Variants in PAQR9 observed in about 807,000 individuals in gnomAD.
PAQR9 encodes the protein progestin and adipoQ receptor family member 9, also known as membrane progestin receptor epsilon.
Under a neutral mutation model 24.0 loss-of-function variants are expected in PAQR9, and 12 were observed. The observed-to-expected ratio is 0.50, with a 90% CI of 0.32 to 0.81. The LOEUF is 0.81. Ranked by LOEUF, PAQR9 falls within the 30% of genes least tolerant of loss-of-function variation. The probability of loss-of-function intolerance (pLI) is 0.03; values close to 1 mark genes in which losing one functional copy is unlikely to be tolerated. For synonymous variants in PAQR9, 266 were observed against 237.6 expected, an observed-to-expected ratio of 1.12 and a Z score of -1.10; for missense variants, 418 against 520.8, an observed-to-expected ratio of 0.80 and a Z score of 1.92.
At position 142,954,597 on chromosome 3, in the gene PAQR9, T is replaced by C. The variant is rs1291356931; in HGVS notation, c.*7606A>G. ...CGATCCTAAACACTGTGCTTACAAA[T>C]AATTTATTCTTATTTCATACATTTG... On this transcript the variant is annotated 3_prime_UTR_variant, in exon 1 of 1. Coordinates refer to ENST00000340634, the MANE Select transcript of PAQR9 (RefSeq NM_198504.4). Among the ~76,000 whole-genome samples, 1 of 152,222 alleles carries C rather than the reference T, an allele frequency of 6.6e-6. No homozygotes were observed. Among genetic ancestry groups the C allele is most frequent in the Non-Finnish European group, 1.5e-5 (1 of 68,044 alleles).
chr3:142,950,432 C>T (rs1304360616), downstream of PAQR9: 1 of 239,126 alleles, frequency 4.2e-6, no homozygotes, highest in African/African-American at 2.3e-5. Context: ...CTGATGGACC[C>T]AAGAAGAGTT....
At position 142,955,442 on chromosome 3, in the gene PAQR9, T is replaced by TAAAAA. The variant is rs150071656; in HGVS notation, c.*6756_*6760dup. ...GAGCGACCACATGGTCTATACAAATTAAAAAAAAAAAAAAAAAAAAAAAAA... is the reference window on the plus strand; with the variant it reads ...GAGCGACCACATGGTCTATACAAATTAAAAAAAAAAAAAAAAAAAAAAAAAAAAAA... On this transcript the variant is annotated 3_prime_UTR_variant, in exon 1 of 1. Transcript: ENST00000340634. Among the ~76,000 whole-genome samples the TAAAAA allele has an allele frequency of 5.6e-3, 121 of 21,616 alleles. 11 individuals carry two copies. The highest frequency in any genetic ancestry group is 8.7e-3 in the Non-Finnish European group (86 of 9,924). 14.2% of individuals were successfully genotyped at this position (21,616 alleles called of 152,430 possible). A position where few individuals can be genotyped will look rare whatever the true frequency, so the allele number is the denominator to read the frequency against.
At chr3:142,954,476 TTTC>T (rs1323048762), downstream of PAQR9, among the ~76,000 whole-genome samples, 7 of 152,362 alleles carry the variant, frequency 4.6e-5, 1 homozygote, top group South Asian at 1.4e-3. Context: ...GGTAATGTTT[TTTC>T]TTATCTTGTT....
Position 142,962,993 on chromosome 3 carries a change from T to G in PAQR9, c.344A>C (p.His115Pro). 2.5e-6 allele frequency: 4 copies of G among 1,613,848 alleles called. No individual in the cohort carries two copies. Among genetic ancestry groups the G allele is most frequent in the Non-Finnish European group, 3.4e-6 (4 of 1,179,974 alleles). The change falls in exon 1 of 1, where the codon CAC (histidine) becomes CCC (proline). Residue 115 changes from histidine (H) to proline (P), a missense_variant. His to Pro is a moderately conservative substitution (Grantham distance 77, BLOSUM62 -2). Transcript: ENST00000340634. ...CCACAACGGTAGCAGCCACGGGTGG[T>G]GGAAGGGCACGTCGCCGCCGCTCAG... is the stretch of plus-strand genomic sequence containing the variant. ...FFLSGGDVPF[H>P]HPWLLPLWCY...
Position 142,955,251 on chromosome 3 carries a change from C to T in PAQR9, c.*6952G>A, listed in dbSNP as rs183500964. ...CCAAGAACAGTCACCGTATTTAAAA[C>T]CTTTGTTTGGAAATGGGTGAACCTC... On this transcript the variant is annotated 3_prime_UTR_variant, in exon 1 of 1. Transcript: ENST00000340634. 9.2e-5 allele frequency among the ~76,000 whole-genome samples: 14 copies of T among 151,828 alleles called. No individual in the cohort carries two copies. The highest frequency in any genetic ancestry group is 9.2e-4 in the Admixed American group (14 of 15,248).
chr3:142,950,440 G>C (rs898602129), downstream of PAQR9: 4 of 254,956 alleles, frequency 1.6e-5, no homozygotes, highest in African/African-American at 9.0e-5. Context: ...CCCAAGAAGA[G>C]TTGTTGATTT....
At position 142,955,442 on chromosome 3, in the gene PAQR9, T is replaced by TA. The variant is rs150071656; in HGVS notation, c.*6760dup. Among the ~76,000 whole-genome samples the TA allele has an allele frequency of 0.011, 244 of 21,626 alleles. 16 individuals are homozygous for TA. The highest frequency in any genetic ancestry group is 0.014 in the East Asian group (7 of 498). The allele number at this position is 21,626 out of a possible 152,430, so 14.2% of individuals were successfully genotyped here. ...GAGCGACCACATGGTCTATACAAAT[T>TA]AAAAAAAAAAAAAAAAAAAAAAAAA... On this transcript the variant is annotated 3_prime_UTR_variant, in exon 1 of 1. Coordinates refer to ENST00000340634, the MANE Select transcript of PAQR9 (RefSeq NM_198504.4).
At chr3:142,963,801 T>A (rs898305681), upstream of PAQR9, 9 of 983,898 alleles carry the variant, frequency 9.1e-6, no homozygotes, top group African/African-American at 1.6e-4. Flanking sequence ...CAGGCTAGGG[T>A]TTCGCGGCCG....
In PAQR9 at chr3:142,959,958, T is replaced by C. The variant is rs915650312; in HGVS notation, c.*2245A>G. ...ACAATGACATGCAAATAAATTTGCATGTGGAAATATCCTGATTTCCACAGT... is the reference window on the plus strand; with the variant it reads ...ACAATGACATGCAAATAAATTTGCACGTGGAAATATCCTGATTTCCACAGT... On this transcript the variant is annotated 3_prime_UTR_variant, in exon 1 of 1. Transcript: ENST00000340634. Among the ~76,000 whole-genome samples, 1 of 152,220 alleles carries C rather than the reference T, an allele frequency of 6.6e-6. No homozygotes were observed. The highest frequency in any genetic ancestry group is 1.5e-5 in the Non-Finnish European group (1 of 68,032).
Position 142,963,519 on chromosome 3 carries a change from A to T in PAQR9, c.-183T>A, listed in dbSNP as rs1934958810. The T allele has an allele frequency of 3.0e-6, 3 of 1,010,048 alleles. No homozygotes were observed. Among genetic ancestry groups the T allele is most frequent in the Non-Finnish European group, 3.5e-6 (3 of 847,500 alleles). 62.6% of individuals were successfully genotyped at this position (1,010,048 alleles called of 1,614,324 possible). A position where few individuals can be genotyped will look rare whatever the true frequency, so the allele number is the denominator to read the frequency against. ...TAAAAATTAAATAAATCAATAAGAG[A>T]ATCAATTAATAGGCAGCGCTGCGAC... On this transcript the variant is annotated 5_prime_UTR_variant, in exon 1 of 1. Transcript: ENST00000340634.
Position 142,963,266 on chromosome 3 carries a change from C to T in PAQR9, c.71G>A (p.Gly24Glu), listed in dbSNP as rs1934947927. Reference sequence around the variant, plus strand: ...GGCAGAGTGGGAGTTCCGGGCGGCCCCCGAAGCTGCCGGGGCCGGGGCCGG... The same window carrying T: ...GGCAGAGTGGGAGTTCCGGGCGGCCTCCGAAGCTGCCGGGGCCGGGGCCGG... ...GPPAPAPAAS[G>E]AARNSHSAAS... The change falls in exon 1 of 1, where the codon GGG becomes GAG. Residue 24 changes from glycine to glutamate, a missense_variant. Around this residue, in one of 3 missense-constraint regions of PAQR9, gnomAD observed 180 missense variants for 190.3 expected, o/e 0.95. Coordinates refer to ENST00000340634, the MANE Select transcript of PAQR9 (RefSeq NM_198504.4). 1 of 1,512,552 alleles carries T rather than the reference C, an allele frequency of 6.6e-7. No individual in the cohort carries two copies. The highest frequency in any genetic ancestry group is 1.4e-5 in the African/African-American group (1 of 71,844). 93.7% of individuals were successfully genotyped at this position (1,512,552 alleles called of 1,614,324 possible).
At chr3:142,952,049 G>GGT (rs1560157526), downstream of PAQR9, among the ~76,000 whole-genome samples, 101 of 140,472 alleles carry the variant, frequency 7.2e-4, no homozygotes, top group African/African-American at 2.5e-3. Context: ...GAAAAAGAAG[G>GGT]GGGGGGGGTG....
rs1467640404 is a variant in PAQR9, at chr3:142,959,157, A to T, written c.*3046T>A. Among the ~76,000 whole-genome samples, 1 of 152,234 alleles carries T rather than the reference A, an allele frequency of 6.6e-6. No individual in the cohort carries two copies. Among genetic ancestry groups the T allele is most frequent in the East Asian group, 1.9e-4 (1 of 5,200 alleles). On this transcript the variant is annotated 3_prime_UTR_variant, in exon 1 of 1. Transcript: ENST00000340634. ...AATTCTTATTTATAATTTGTCCTAC[A>T]TTTCAAACAGCTGAACACAATAAAG...
At chr3:142,950,089 T>A (rs767494478), downstream of PAQR9, 5 of 152,276 alleles carry the variant, frequency 3.3e-5, no homozygotes, top group Non-Finnish European at 7.3e-5. Flanking sequence ...GTACGTTATC[T>A]GTTGGTTCTT....
chr3:142,962,758 C>T lies in PAQR9; in HGVS notation c.579G>A (p.Gln193=). ...AGTCCACGTGCCAGCCCAGGCGCTG[C>T]TGCAAGTATGGAGTCATGACTCTGG... ...LDARVMTPYL[Q]QRLGWHVDCT... Residue 193 remains glutamine (Q), a synonymous_variant, in exon 1 of 1, where the codon CAG becomes CAA. Coordinates refer to ENST00000340634, the MANE Select transcript of PAQR9 (RefSeq NM_198504.4). 5.6e-6 allele frequency: 9 copies of T among 1,612,600 alleles called. No individual in the cohort carries two copies. Among genetic ancestry groups the T allele is most frequent in the Middle Eastern group, 1.6e-4 (1 of 6,062 alleles).
At chr3:142,949,286 A>C (rs1052513609) in exon 3 of PAQR9, 11 of 152,236 alleles carry the variant, frequency 7.2e-5, no homozygotes, top group Non-Finnish European at 7.3e-5. Flanking sequence ...ACTGATATTT[A>C]TAGATCCTAC....
Position 142,957,133 on chromosome 3 carries a change from A to T in PAQR9, c.*5070T>A, listed in dbSNP as rs1199394255. Among the ~76,000 whole-genome samples, 1 of 152,160 alleles carries T rather than the reference A, an allele frequency of 6.6e-6. No homozygotes were observed. Among genetic ancestry groups the T allele is most frequent in the East Asian group, 1.9e-4 (1 of 5,188 alleles). On this transcript the variant is annotated 3_prime_UTR_variant, in exon 1 of 1. Coordinates refer to ENST00000340634, the MANE Select transcript of PAQR9 (RefSeq NM_198504.4). Reference sequence around the variant, plus strand: ...GCCTTTTTGCCTCTGTCCTAATTTTATGGAAACAAAGTAAGGGCTTTAAGC... The same window carrying T: ...GCCTTTTTGCCTCTGTCCTAATTTTTTGGAAACAAAGTAAGGGCTTTAAGC...
Position 142,957,136 on chromosome 3 carries a change from G to A in PAQR9, c.*5067C>T, listed in dbSNP as rs534795038. Among the ~76,000 whole-genome samples the A allele has an allele frequency of 2.6e-5, 4 of 152,268 alleles. No homozygotes were observed. Among genetic ancestry groups the A allele is most frequent in the African/African-American group, 7.2e-5 (3 of 41,534 alleles). Reference sequence around the variant, plus strand: ...TTTTTGCCTCTGTCCTAATTTTATGGAAACAAAGTAAGGGCTTTAAGCCAG... The same window carrying A: ...TTTTTGCCTCTGTCCTAATTTTATGAAAACAAAGTAAGGGCTTTAAGCCAG... On this transcript the variant is annotated 3_prime_UTR_variant, in exon 1 of 1. Coordinates refer to ENST00000340634, the MANE Select transcript of PAQR9 (RefSeq NM_198504.4).
rs1264555156 is a variant in PAQR9, at chr3:142,958,933, C to G, written c.*3270G>C. ...AAGGAACCCCATTAGCCAACTAAGTCAGTCTGAGTCAGCCCCAGAGACCAA... is the reference window on the plus strand; with the variant it reads ...AAGGAACCCCATTAGCCAACTAAGTGAGTCTGAGTCAGCCCCAGAGACCAA... On this transcript the variant is annotated 3_prime_UTR_variant, in exon 1 of 1. Coordinates refer to ENST00000340634, the MANE Select transcript of PAQR9 (RefSeq NM_198504.4). Among the ~76,000 whole-genome samples the G allele has an allele frequency of 1.3e-5, 2 of 152,154 alleles. No homozygotes were observed. The highest frequency in any genetic ancestry group is 4.8e-5 in the African/African-American group (2 of 41,412).
Sources: gnomAD v4.1 joint callset for allele counts (sites outside exome capture counted in the v4.1 genomes callset) on GRCh38, gnomAD v4.1.1 for gene constraint, gnomAD v4.1.1 regional missense constraint, MANE v1.5 for transcripts, NCBI Gene and HGNC (gene_info 2026-07-23, HGNC 2026-07-21) for gene names.